SCARB1: variants seen among roughly 807,000 people sequenced by gnomAD.
SCARB1 encodes CD36 and LIMPII analogous 1.
SCARB1 carries 30 observed loss-of-function variants against 57.2 expected under a neutral mutation model. The ratio of observed to expected loss-of-function variants is 0.52; its 90% CI spans 0.39 to 0.71. The LOEUF (loss-of-function observed/expected upper bound fraction) is 0.71. Among genes scored for constraint, SCARB1 ranks in the 30% least tolerant of loss-of-function variants. The pLI, the probability that SCARB1 is intolerant of heterozygous loss-of-function variation, is 0.00. For missense variants in SCARB1, 543 were observed against 671.2 expected, an observed-to-expected ratio of 0.81 and a Z score of 2.11; for synonymous variants, 249 against 268.3, an observed-to-expected ratio of 0.93 and a Z score of 0.70.
chr12:124,777,852 G>C lies in SCARB1; in HGVS notation c.*735C>G, dbSNP rs1205520538. ...GGGGGCACAGCCTGCGGCCACTTCG[G>C]CCAGAGAGTGGCCGGCTCAGTCCAT... On this transcript the variant is annotated 3_prime_UTR_variant, in exon 13 of 13. Transcript: ENST00000261693. 1 of 152,434 alleles carries C rather than the reference G, an allele frequency of 6.6e-6. No individual in the cohort carries two copies. The highest frequency in any genetic ancestry group is 1.5e-5 in the Non-Finnish European group (1 of 68,212). 9.4% of individuals were successfully genotyped at this position (152,434 alleles called of 1,614,324 possible).
chr12:124,811,277 T>C (rs1283470941), intron 5 of SCARB1, among the ~76,000 whole-genome samples: 4 of 152,204 alleles, frequency 2.6e-5, no homozygotes, highest in Non-Finnish European at 5.9e-5. Flanking sequence ...TGTGAATCTC[T>C]TCTCTTTTTT....
chr12:124,804,023 G>A (rs1950238514), intron 7 of SCARB1, among the ~76,000 whole-genome samples: 1 of 152,238 alleles, frequency 6.6e-6, no homozygotes, highest in South Asian at 2.1e-4. Flanking sequence ...GGATGGGCAT[G>A]TCGTTTCTCC....
chr12:124,841,682 C>T (rs1303105136), intron 1 of SCARB1, among the ~76,000 whole-genome samples: 1 of 152,100 alleles, frequency 6.6e-6, no homozygotes, highest in African/African-American at 2.4e-5. Flanking sequence ...CTCCTTCGCA[C>T]CTCCGGCCTT....
chr12:124,846,370 G>A (rs1487884067), intron 1 of SCARB1, among the ~76,000 whole-genome samples: 1 of 152,188 alleles, frequency 6.6e-6, no homozygotes. Flanking sequence ...TCGGGCCCTA[G>A]AGGGATTCAG....
At position 124,826,800 on chromosome 12, in the gene SCARB1, A is replaced by C. The variant is rs550969417; in HGVS notation, c.127-9093T>G. Among the ~76,000 whole-genome samples the C allele has an allele frequency of 2.6e-5, 4 of 152,236 alleles. No individual in the cohort carries two copies. The East Asian group carries it at 7.7e-4, about 29-fold the overall frequency. ...AAAGAAAAAAAAATCTTGAGTGAAG[A>C]AAAGGCTAAAGAAAGAAACAATTGA... is the stretch of plus-strand genomic sequence containing the variant. On this transcript the variant is annotated intron_variant, in intron 1 of 12. Transcript: ENST00000261693.
In SCARB1 at chr12:124,814,400, C is replaced by T. The variant is rs781581894; in HGVS notation, c.432G>A (p.Ala144=). The part of the protein sequence containing the change: ...IVMPNILVLG[A]AVMMENKPMT... ...TGGGCTTATTCTCCATCATCACCGC[C>T]GCACCCTGCAAGGCGAAGGGACACT... Residue 144 remains alanine, a synonymous_variant, in exon 4 of 13, where the codon GCG becomes GCA. Transcript: ENST00000261693. This position sits in a 1 kb window ranked among gnomAD's most constrained non-coding sequence, Gnocchi z 4.7. 9.3e-6 allele frequency: 15 copies of T among 1,613,242 alleles called. No individual in the cohort carries two copies. The highest frequency in any genetic ancestry group is 1.8e-4 in the Middle Eastern group (1 of 5,436).
At chr12:124,850,939 T>C (rs1952374104) in intron 1 of SCARB1, among the ~76,000 whole-genome samples, 1 of 152,092 alleles carries the variant, frequency 6.6e-6, no homozygotes, top group Non-Finnish European at 1.5e-5. Flanking sequence ...ACCACCCTAC[T>C]CCTACCTGAG....
At chr12:124,813,972 A>G (rs1341740117) in intron 4 of SCARB1, among the ~76,000 whole-genome samples, 2 of 152,168 alleles carry the variant, frequency 1.3e-5, no homozygotes, top group Admixed American at 6.5e-5. Flanking sequence ...ACATCATTTG[A>G]GCCTGGATCA....
chr12:124,835,004 C>T (rs749525218), intron 1 of SCARB1, among the ~76,000 whole-genome samples: 9 of 152,174 alleles, frequency 5.9e-5, no homozygotes, highest in Non-Finnish European at 1.2e-4. Context: ...CCAGGTCTGC[C>T]GACTCAGACA....
chr12:124,791,781 C>CCCCGT (rs1389925838), intron 9 of SCARB1, among the ~76,000 whole-genome samples: 2 of 152,066 alleles, frequency 1.3e-5, no homozygotes, highest in Non-Finnish European at 2.9e-5. Context: ...CACAGTGAAA[C>CCCCGT]CCCGTCTCTA....
chr12:124,848,575 A>T (rs1594383231), intron 1 of SCARB1, among the ~76,000 whole-genome samples: 1 of 152,340 alleles, frequency 6.6e-6, no homozygotes, highest in African/African-American at 2.4e-5. Context: ...GAGAGAGAGG[A>T]TGCACATGCA....
chr12:124,818,468 T>G (rs1418310582), intron 1 of SCARB1, among the ~76,000 whole-genome samples: 2 of 151,944 alleles, frequency 1.3e-5, no homozygotes, highest in Non-Finnish European at 2.9e-5. Flanking sequence ...ATAATTTTAT[T>G]TATTTATTTA....
rs1211627629 is a variant in SCARB1, at chr12:124,812,863, C to T, written c.631-898G>A. ...GTGGAGCCAAGAATAACCAGAGCCA[C>T]TACAAAGGGGAGCATTAAAGGGACT... On this transcript the variant is annotated intron_variant, in intron 4 of 12. Coordinates refer to ENST00000261693, the MANE Select transcript of SCARB1 (RefSeq NM_005505.5). The surrounding 1 kb of genome is among the most constrained non-coding windows in gnomAD (Gnocchi z 4.3). 6.6e-6 allele frequency among the ~76,000 whole-genome samples: 1 copy of T among 152,136 alleles called. No homozygotes were observed. Among genetic ancestry groups the T allele is most frequent in the African/African-American group, 2.4e-5 (1 of 41,416 alleles).
chr12:124,811,470 G>T (rs188226131), intron 5 of SCARB1, among the ~76,000 whole-genome samples: 1 of 152,238 alleles, frequency 6.6e-6, no homozygotes, highest in African/African-American at 2.4e-5. Context: ...ACAGGGTTTT[G>T]CCATGTTGGC....
chr12:124,778,504 T>A lies in SCARB1; in HGVS notation c.*83A>T. 7.5e-7 allele frequency: 1 copy of A among 1,337,476 alleles called. No individual in the cohort carries two copies. Among genetic ancestry groups the A allele is most frequent in the Non-Finnish European group, 9.6e-7 (1 of 1,040,078 alleles). The allele number at this position is 1,337,476 out of a possible 1,614,324, so 82.9% of individuals were successfully genotyped here. On this transcript the variant is annotated 3_prime_UTR_variant, in exon 13 of 13. Coordinates refer to ENST00000261693, the MANE Select transcript of SCARB1 (RefSeq NM_005505.5). ...GCTGGGGGGCTGTCCGCTGGGAGAG[T>A]CCGGGAGAAGCGGGGTGTAGGGGCT...
At position 124,778,519 on chromosome 12, in the gene SCARB1, G is replaced by C. The variant is rs1442994044; in HGVS notation, c.*68C>G. On this transcript the variant is annotated 3_prime_UTR_variant, in exon 13 of 13. Coordinates refer to ENST00000261693, the MANE Select transcript of SCARB1 (RefSeq NM_005505.5). Reference sequence around the variant, plus strand: ...GCTGGGAGAGTCCGGGAGAAGCGGGGTGTAGGGGCTGGGGGGCCGGTCAGG... The same window carrying C: ...GCTGGGAGAGTCCGGGAGAAGCGGGCTGTAGGGGCTGGGGGGCCGGTCAGG... 8.8e-6 allele frequency: 12 copies of C among 1,370,014 alleles called. No homozygotes were observed. Among genetic ancestry groups the C allele is most frequent in the Non-Finnish European group, 1.0e-5 (11 of 1,060,560 alleles). The allele number at this position is 1,370,014 out of a possible 1,614,324, so 84.9% of individuals were successfully genotyped here.
chr12:124,850,885 C>T (rs1952370031), intron 1 of SCARB1, among the ~76,000 whole-genome samples: 1 of 152,132 alleles, frequency 6.6e-6, no homozygotes, highest in Non-Finnish European at 1.5e-5. Flanking sequence ...TGCCTATGGC[C>T]GCCTCTTCCC....
chr12:124,814,284 T>TA lies in SCARB1; in HGVS notation c.547dup (p.Tyr183LeufsTer28). 1 of 1,614,214 alleles carries TA rather than the reference T, an allele frequency of 6.2e-7. No homozygotes were observed. Among genetic ancestry groups the TA allele is most frequent in the South Asian group, 1.1e-5 (1 of 91,082 alleles). ...GATGAGATTCACAAGGGGGTCCTTG[T>TA]AGCCCCACATGATCTCACCCACAGT... On this transcript the variant is annotated frameshift_variant, in exon 4 of 13. Transcript: ENST00000261693. LOFTEE classifies it high-confidence loss of function. This position sits in a 1 kb window ranked among gnomAD's most constrained non-coding sequence, Gnocchi z 4.7.
rs199754614 is a variant in SCARB1, at chr12:124,817,705, G to T, written c.129C>A (p.Asn43Lys). Residue 43 changes from asparagine (N) to lysine (K), a missense_variant and splice_region_variant, in exon 2 of 13, where the codon AAC (asparagine) becomes AAA (lysine). Coordinates refer to ENST00000261693, the MANE Select transcript of SCARB1 (RefSeq NM_005505.5). The surrounding 1 kb of genome is among the most constrained non-coding windows in gnomAD (Gnocchi z 4.8). ...PSLIKQQVLKNVRIDPSSLSF... is the reference protein window; with the variant it reads ...PSLIKQQVLKKVRIDPSSLSF... Reference sequence around the variant, plus strand: ...ACAGGCTACTGGGGTCGATGCGCACGTTCTGCAGGGGAAGGGACAAGTACG... The same window carrying T: ...ACAGGCTACTGGGGTCGATGCGCACTTTCTGCAGGGGAAGGGACAAGTACG... 2 of 1,614,006 alleles carry T rather than the reference G, an allele frequency of 1.2e-6. No individual in the cohort carries two copies. Among genetic ancestry groups the T allele is most frequent in the Non-Finnish European group, 1.7e-6 (2 of 1,180,022 alleles).
Sources: allele counts gnomAD v4.1 joint callset (sites outside exome capture counted in the v4.1 genomes callset), GRCh38; gene constraint gnomAD v4.1.1; non-coding constraint Gnocchi (gnomAD v3.1); transcripts MANE v1.5; gene names NCBI Gene and HGNC (gene_info 2026-07-23, HGNC 2026-07-21).